Variants in SFXN5 observed in about 807,000 individuals in gnomAD.
SFXN5 encodes the protein sideroflexin-5.
Under a neutral mutation model 50.2 loss-of-function variants are expected in SFXN5, and 43 were observed. The ratio of observed to expected loss-of-function variants is 0.86; its 90% CI spans 0.67 to 1.11. SFXN5 has a LOEUF of 1.11. Among genes scored for constraint, SFXN5 ranks in the 50% least tolerant of loss-of-function variants. SFXN5 has a pLI of 0.00. For synonymous variants in SFXN5, 203 were observed against 185.8 expected (o/e 1.09, Z -0.75); for missense variants, 463 against 454.1 (o/e 1.02, Z -0.18).
At chr2:72,963,346 C>T (rs1278951757) in intron 12 of SFXN5, among the ~76,000 whole-genome samples, 2 of 152,172 alleles carry the variant, frequency 1.3e-5, no homozygotes, top group Non-Finnish European at 2.9e-5. Flanking sequence ...AGACAGACCC[C>T]CTTTCTGTGG....
intron 6 of SFXN5, among the ~76,000 whole-genome samples, chr2:73,002,248 G>A (rs1287480300): frequency 6.6e-6 from 1 of 152,202 alleles, no homozygotes; most frequent in Non-Finnish European, 1.5e-5. Flanking sequence ...ATGAAGAAAT[G>A]AACAAATATA....
intron 5 of SFXN5, among the ~76,000 whole-genome samples, 187 bp downstream of exon 5, chr2:73,022,335 T>G (rs766935269): frequency 1.3e-5 from 2 of 152,114 alleles, no homozygotes; most frequent in Non-Finnish European, 2.9e-5. Flanking sequence ...GTAAGCTCCA[T>G]AGAGTATTCT....
At chr2:73,056,948 A>G (rs1682218089) in intron 2 of SFXN5, among the ~76,000 whole-genome samples, 4 of 152,192 alleles carry the variant, frequency 2.6e-5, no homozygotes, top group South Asian at 2.1e-4. Context: ...TTCAAGAGAA[A>G]TGAAAGCATA....
At chr2:73,012,604 A>G (rs1675649061) in intron 6 of SFXN5, among the ~76,000 whole-genome samples, 1 of 149,330 alleles carries the variant, frequency 6.7e-6, no homozygotes, top group South Asian at 2.1e-4. Flanking sequence ...AAGGCATATT[A>G]CCCCTATATT....
Position 72,945,063 on chromosome 2 carries a change from C to A in SFXN5, c.982G>T (p.Ala328Ser). Residue 328 changes from alanine (A) to serine (S), a missense_variant, in exon 14 of 14, where the codon GCC (alanine) becomes TCC (serine). Coordinates refer to ENST00000272433, the MANE Select transcript of SFXN5 (RefSeq NM_144579.3). This position sits in a 1 kb window ranked among gnomAD's most constrained non-coding sequence, Gnocchi z 5.8. ...TSQLEPEIAQ[A>S]TSSRTVVYNK... is the part of the protein sequence containing the mutation. ...TACACCACTGTCCGGCTGCTCGTGGCCTGGGCTATCTCCGGCTCTAATTGG... is the reference window on the plus strand; with the variant it reads ...TACACCACTGTCCGGCTGCTCGTGGACTGGGCTATCTCCGGCTCTAATTGG... The A allele has an allele frequency of 6.2e-7, 1 of 1,614,014 alleles. No homozygotes were observed.
In SFXN5 at chr2:73,006,076, G is replaced by A. The variant is rs375092072; in HGVS notation, c.358-4498C>T. Among the ~76,000 whole-genome samples the A allele has an allele frequency of 1.2e-4, 19 of 152,116 alleles. No individual in the cohort carries two copies. The East Asian group carries it at 1.7e-3, about 14-fold the overall frequency. On this transcript the variant is annotated intron_variant, in intron 6 of 13. Transcript: ENST00000272433. The stretch of plus-strand genomic sequence containing the variant: ...TCTGACTGACAGCACGTGGGAGGAC[G>A]TGGCAGCGTGTCAGTTCTGAGCCCT...
chr2:73,004,486 C>G (rs1674350012), intron 6 of SFXN5, among the ~76,000 whole-genome samples: 1 of 152,078 alleles, frequency 6.6e-6, no homozygotes, highest in Non-Finnish European at 1.5e-5. Flanking sequence ...ATTTTAACAT[C>G]CAAACAGGAG....
At chr2:72,972,253 G>C (rs772747086) in intron 10 of SFXN5, among the ~76,000 whole-genome samples, 1 of 152,176 alleles carries the variant, frequency 6.6e-6, no homozygotes, top group Non-Finnish European at 1.5e-5. Flanking sequence ...GAAGACTGAG[G>C]CTCAGAGAAG....
At chr2:73,057,688 T>C (rs1682323141) in intron 2 of SFXN5, among the ~76,000 whole-genome samples, 1 of 152,138 alleles carries the variant, frequency 6.6e-6, no homozygotes, top group South Asian at 2.1e-4. Flanking sequence ...TCATCTCAAA[T>C]TGTAAACCCC....
At position 73,036,666 on chromosome 2, in the gene SFXN5, TC is replaced by T. The variant is rs1158248519; in HGVS notation, c.249+4187del. 1.1e-4 allele frequency among the ~76,000 whole-genome samples: 17 copies of T among 151,342 alleles called. No homozygotes were observed. In the East Asian group the frequency reaches 2.9e-3, roughly 26 times the overall value. ...CCCAAACTCTGGGAGCTGGAAGGGG[TC>T]CCAAGAGGCCAACCTCAGCAAGAAA... On this transcript the variant is annotated intron_variant, in intron 3 of 13. Transcript: ENST00000272433.
At chr2:72,980,580 C>T (rs1671173197) in intron 10 of SFXN5, among the ~76,000 whole-genome samples, 1 of 152,160 alleles carries the variant, frequency 6.6e-6, no homozygotes, top group Non-Finnish European at 1.5e-5. Flanking sequence ...GTGTCACCGA[C>T]TCAGGATCGG....
chr2:72,982,157 C>A (rs2105525684), intron 10 of SFXN5, among the ~76,000 whole-genome samples: 1 of 152,284 alleles, frequency 6.6e-6, no homozygotes, highest in African/African-American at 2.4e-5. Flanking sequence ...TTGACATGTT[C>A]AATCCCCATG....
chr2:72,954,828 T>G (rs1002790324), intron 13 of SFXN5, among the ~76,000 whole-genome samples: 2 of 152,158 alleles, frequency 1.3e-5, no homozygotes, highest in Non-Finnish European at 1.5e-5. Context: ...GTAACTCAAG[T>G]GGACTCACTC....
Position 72,945,141 on chromosome 2 carries a change from G to A in SFXN5, c.946-42C>T. The A allele has an allele frequency of 6.3e-7, 1 of 1,580,912 alleles. No homozygotes were observed. On this transcript the variant is annotated intron_variant, in intron 13 of 13. Transcript: ENST00000272433. This position sits in a 1 kb window ranked among gnomAD's most constrained non-coding sequence, Gnocchi z 5.8. ...GAGAGGAAAAGTGGGGGAGTGGGAAGGGGCAAATAGTGGGGCTGGGAGCTG... is the reference window on the plus strand; with the variant it reads ...GAGAGGAAAAGTGGGGGAGTGGGAAAGGGCAAATAGTGGGGCTGGGAGCTG...
intron 11 of SFXN5, 121 bp from the exon 12 acceptor site, chr2:72,968,654 GGGATTGC>G: frequency 2.4e-6 from 2 of 822,584 alleles, no homozygotes; most frequent in Non-Finnish European, 3.7e-6. Context: ...CCTTATTCAT[GGGATTGC>G]TCAGGAAGCT....
intron 3 of SFXN5, among the ~76,000 whole-genome samples, chr2:73,031,765 C>A (rs1678335805): frequency 6.6e-6 from 1 of 152,206 alleles, no homozygotes; most frequent in Non-Finnish European, 1.5e-5. Context: ...CATCACCAGG[C>A]TGCAGTGACA....
chr2:72,982,667 T>C (rs1314000905), intron 10 of SFXN5, among the ~76,000 whole-genome samples: 1 of 152,214 alleles, frequency 6.6e-6, no homozygotes. Flanking sequence ...AGCTGCCATC[T>C]AACCCTGGCT....
In SFXN5 at chr2:72,953,029, C is replaced by T. The variant is rs1401143313; in HGVS notation, c.946-7930G>A. Among the ~76,000 whole-genome samples, 1 of 152,238 alleles carries T rather than the reference C, an allele frequency of 6.6e-6. No individual in the cohort carries two copies. Among genetic ancestry groups the T allele is most frequent in the Non-Finnish European group, 1.5e-5 (1 of 68,056 alleles). On this transcript the variant is annotated intron_variant, in intron 13 of 13. Transcript: ENST00000272433. The surrounding 1 kb of genome is among the most constrained non-coding windows in gnomAD (Gnocchi z 4.1). ...GGAAAAAAGAACTGTGGGGGAAAGG[C>T]TGTCAGGCAGCCCCGCCGAGGCCTG...
intron 6 of SFXN5, among the ~76,000 whole-genome samples, chr2:73,012,582 C>T (rs2105778184): frequency 6.7e-6 from 1 of 149,204 alleles, no homozygotes; most frequent in South Asian, 2.2e-4. Flanking sequence ...TCCAGATATG[C>T]AAAGATTCAG....
Sources: gnomAD v4.1 joint callset for allele counts (sites outside exome capture counted in the v4.1 genomes callset) on GRCh38, gnomAD v4.1.1 for gene constraint, Gnocchi (gnomAD v3.1) non-coding constraint, MANE v1.5 for transcripts, NCBI Gene and HGNC (gene_info 2026-07-23, HGNC 2026-07-21) for gene names.